The following RFC1 variants were observed in gnomAD, a reference collection of about 807,000 sequenced individuals.
RFC1 encodes A1 140 kDa subunit.
Under a neutral mutation model 137.4 loss-of-function variants are expected in RFC1, and 37 were observed. The observed-to-expected ratio is 0.27, with a 90% CI of 0.21 to 0.35. The LOEUF is 0.35. Among genes scored for constraint, RFC1 ranks in the 10% least tolerant of loss-of-function variants. RFC1 has a pLI of 1.00. For synonymous variants in RFC1, 429 were observed against 455.7 expected (o/e 0.94, Z 0.75); for missense variants, 1,205 against 1,358.5 (o/e 0.89, Z 1.78).
At chr4:39,301,534 A>G (rs932579392) in intron 19 of RFC1, among the ~76,000 whole-genome samples, 3 of 152,086 alleles carry the variant, frequency 2.0e-5, no homozygotes, top group African/African-American at 7.2e-5. Context: ...TGTGAGGGGG[A>G]CATGAAGTAT....
chr4:39,327,650 T>G lies in RFC1; in HGVS notation c.438A>C (p.Glu146Asp). The G allele has an allele frequency of 1.2e-6, 2 of 1,613,774 alleles. No homozygotes were observed. Among genetic ancestry groups the G allele is most frequent in the Non-Finnish European group, 1.7e-6 (2 of 1,179,844 alleles). Residue 146 changes from glutamate (E) to aspartate (D), a missense_variant, in exon 5 of 25, where the codon GAA becomes GAC. Coordinates refer to ENST00000349703, the MANE Select transcript of RFC1 (RefSeq NM_002913.5). ...AAGGCTTATTCTTGGTCTTAGTGTT[T>G]TCTTCATTCTTTTTCATGTTTGATG... The part of the protein sequence containing the change: ...LGTSNMKKNE[E>D]NTKTKNKPLS...
chr4:39,321,706 A>T (rs1489238232), intron 7 of RFC1: 1 of 172,374 alleles, frequency 5.8e-6, no homozygotes, highest in African/African-American at 2.4e-5. Flanking sequence ...TAAAAACTAA[A>T]ATCTAAATTT....
At chr4:39,327,101 A>G (rs748034802) in intron 5 of RFC1, among the ~76,000 whole-genome samples, 13 of 152,224 alleles carry the variant, frequency 8.5e-5, no homozygotes, top group Non-Finnish European at 1.9e-4. Context: ...AAATGGCCAG[A>G]AACAGATGAA....
At chr4:39,336,553 A>T (rs1740362252) in intron 4 of RFC1, among the ~76,000 whole-genome samples, 1 of 152,262 alleles carries the variant, frequency 6.6e-6, no homozygotes, top group Admixed American at 6.5e-5. Flanking sequence ...TTCTGATAAG[A>T]GGCAGGGTTT....
chr4:39,311,315 A>C, intron 12 of RFC1, 130 bp downstream of exon 12: 1 of 673,096 alleles, frequency 1.5e-6, no homozygotes, highest in Non-Finnish European at 2.5e-6. Flanking sequence ...AAAGGAACTA[A>C]GGTGGTCCAT....
chr4:39,302,688 C>A, intron 17 of RFC1, 49 bp downstream of exon 17: 1 of 1,529,362 alleles, frequency 6.5e-7, no homozygotes, highest in Non-Finnish European at 8.8e-7. Flanking sequence ...AAAATTGACC[C>A]TTAAATAAAT....
chr4:39,351,420 T>C lies in RFC1; in HGVS notation c.60A>G (p.Thr20=), dbSNP rs765647537. The C allele has an allele frequency of 1.3e-6, 2 of 1,582,786 alleles. No individual in the cohort carries two copies. Among genetic ancestry groups the C allele is most frequent in the African/African-American group, 1.4e-5 (1 of 73,200 alleles). The change falls in exon 2 of 25, where the codon ACA becomes ACG. Residue 20 remains threonine (T), a synonymous_variant. Transcript: ENST00000349703. ...ACTTTGTTTTCTCATTCTTCTTTAC[T>C]GTTTCACTTACAAGTTTCTTTCCAC... ...IPSGKKLVSE[T]VKKNEKTKSD...
In RFC1 at chr4:39,366,264, T is replaced by A. The variant is rs774746543; in HGVS notation, c.-23A>T. 6.5e-6 allele frequency: 10 copies of A among 1,533,168 alleles called. No homozygotes were observed. In the South Asian group the frequency reaches 1.2e-4, roughly 18 times the overall value. 95.0% of individuals were successfully genotyped at this position (1,533,168 alleles called of 1,614,324 possible). On this transcript the variant is annotated 5_prime_UTR_variant, in exon 1 of 25. Transcript: ENST00000349703. ...CATCGCAGCCCCAGGATGAAGGCGC[T>A]GGCTGGCTGGCGGGTGGGCCGGTTG...
chr4:39,335,333 A>G (rs3796517), intron 4 of RFC1, among the ~76,000 whole-genome samples: 48,780 of 152,000 alleles, frequency 0.32, 8,045 homozygotes, highest in Non-Finnish European at 0.35. Flanking sequence ...AGAGAAACTA[A>G]ACATAGCACT....
Position 39,327,513 on chromosome 4 carries a change from A to G in RFC1, c.564+11T>C. 1.3e-6 allele frequency: 2 copies of G among 1,578,974 alleles called. No individual in the cohort carries two copies. The highest frequency in any genetic ancestry group is 1.7e-6 in the Non-Finnish European group (2 of 1,154,748). ...ATCCTGAGCATACTTGCTTATATGTAGAACACTTACCTCTTTTCTTTTGCT... is the reference window on the plus strand; with the variant it reads ...ATCCTGAGCATACTTGCTTATATGTGGAACACTTACCTCTTTTCTTTTGCT... On this transcript the variant is annotated intron_variant, in intron 5 of 24. Transcript: ENST00000349703.
chr4:39,299,399 T>A (rs560887920), intron 21 of RFC1, among the ~76,000 whole-genome samples: 5 of 151,622 alleles, frequency 3.3e-5, no homozygotes, highest in Non-Finnish European at 7.4e-5. Context: ...TGGGTTAGGG[T>A]CTCCCCGACT....
chr4:39,354,204 T>C (rs879119990), intron 1 of RFC1, among the ~76,000 whole-genome samples: 1 of 152,204 alleles, frequency 6.6e-6, no homozygotes, highest in African/African-American at 2.4e-5. Flanking sequence ...TTTTAGAAAA[T>C]AATTTTCATC....
chr4:39,316,140 G>T (rs911153475), intron 10 of RFC1, among the ~76,000 whole-genome samples: 10 of 152,350 alleles, frequency 6.6e-5, no homozygotes, highest in African/African-American at 1.9e-4. Context: ...TGAGGCAGGA[G>T]AATCGCTTGA....
intron 19 of RFC1, among the ~76,000 whole-genome samples, chr4:39,301,465 T>C (rs1738357497): frequency 6.6e-6 from 1 of 152,160 alleles, no homozygotes; most frequent in Non-Finnish European, 1.5e-5. Context: ...TGTAGGTTCA[T>C]CGATTGTAAC....
chr4:39,292,076 C>CAGT (rs1737710315), intron 22 of RFC1: 1 of 511,360 alleles, frequency 2.0e-6, no homozygotes, highest in African/African-American at 1.9e-5. Context: ...TTTCTACTTA[C>CAGT]CTACATCAGT....
At chr4:39,314,525 C>T (rs1739138548) in intron 10 of RFC1, among the ~76,000 whole-genome samples, 1 of 152,040 alleles carries the variant, frequency 6.6e-6, no homozygotes, top group South Asian at 2.1e-4. Flanking sequence ...TCTTCTCCAA[C>T]ATTCCCTCCA....
chr4:39,311,052 A>G (rs1182639473), intron 12 of RFC1, among the ~76,000 whole-genome samples: 1 of 152,072 alleles, frequency 6.6e-6, no homozygotes, highest in Non-Finnish European at 1.5e-5. Context: ...GAGGCAGGAG[A>G]ATCGCTTGAA....
At position 39,320,467 on chromosome 4, in the gene RFC1, G is replaced by C. The variant is rs765086007; in HGVS notation, c.1011C>G (p.Ala337=). Residue 337 remains alanine (A), a synonymous_variant, in exon 9 of 25, where the codon GCC becomes GCG. Coordinates refer to ENST00000349703, the MANE Select transcript of RFC1 (RefSeq NM_002913.5). ...TAATGGCATTTTCTTTTCTTTTTGA[G>C]GCCACAGGCTCTATTTCTTTATAAG... is the stretch of plus-strand genomic sequence containing the variant. ...ESSYKEIEPV[A]SKRKENAIKL... 6 of 1,595,198 alleles carry C rather than the reference G, an allele frequency of 3.8e-6. No homozygotes were observed. Among genetic ancestry groups the C allele is most frequent in the Admixed American group, 3.6e-5 (2 of 56,172 alleles).
intron 21 of RFC1, 73 bp downstream of exon 21, chr4:39,299,948 T>A: frequency 1.2e-6 from 1 of 858,772 alleles, no homozygotes; most frequent in Non-Finnish European, 2.0e-6. Flanking sequence ...ATAAAATAAG[T>A]ACAGCAGCTA....
Sources: allele counts gnomAD v4.1 joint callset (sites outside exome capture counted in the v4.1 genomes callset), GRCh38; gene constraint gnomAD v4.1.1; transcripts MANE v1.5; gene names NCBI Gene and HGNC (gene_info 2026-07-23, HGNC 2026-07-21).